The following PTPRF variants were observed in gnomAD, a reference collection of about 807,000 sequenced individuals.
PTPRF encodes the protein protein tyrosine phosphatase receptor type F.
A neutral mutation model predicts 201.8 loss-of-function variants in PTPRF; 59 were observed. The ratio of observed to expected loss-of-function variants is 0.29; its 90% confidence interval spans 0.24 to 0.36. The LOEUF is 0.36. PTPRF is among the 10% of genes least tolerant of loss of function. PTPRF has a pLI of 1.00. For missense variants in PTPRF, 2,132 were observed against 2,690.5 expected (o/e 0.79, Z 4.59); for synonymous variants, 1,088 against 1,089.7 (o/e 1.00, Z 0.03).
chr1:43,526,964 A>C (rs1246624694), upstream of PTPRF, among the ~76,000 whole-genome samples: 1 of 152,226 alleles, frequency 6.6e-6, no homozygotes, highest in Non-Finnish European at 1.5e-5. Flanking sequence ...GAGTTCATGG[A>C]TGATCGGAGG....
chr1:43,562,614 G>A lies in PTPRF; in HGVS notation c.380-6976G>A, dbSNP rs139545764. On this transcript the variant is annotated intron_variant, in intron 5 of 33. Transcript: ENST00000359947. ...GTAGAGATGGGGTTTCACGAAACAT[G>A]TTGGCCAGGCTGGTCTTGAACTCCT... 1.7e-3 allele frequency among the ~76,000 whole-genome samples: 257 copies of A among 151,952 alleles called. 3 individuals are homozygous for A. Among genetic ancestry groups the A allele is most frequent in the African/African-American group, 5.7e-3 (238 of 41,456 alleles).
intron 16 of PTPRF, among the ~76,000 whole-genome samples, chr1:43,604,416 C>T (rs1446497859): frequency 6.6e-6 from 1 of 152,220 alleles, no homozygotes; most frequent in Non-Finnish European, 1.5e-5. Context: ...ACCTTCTGAT[C>T]TCTTGTGACC....
At position 43,622,069 on chromosome 1, in the gene PTPRF, C is replaced by A; in HGVS notation, c.*66C>A. The A allele has an allele frequency of 6.6e-7, 1 of 1,514,412 alleles. No individual in the cohort carries two copies. Among genetic ancestry groups the A allele is most frequent in the Non-Finnish European group, 9.2e-7 (1 of 1,091,924 alleles). 93.8% of individuals were successfully genotyped at this position (1,514,412 alleles called of 1,614,324 possible). A position where few individuals can be genotyped will look rare whatever the true frequency, so the allele number is the denominator to read the frequency against. ...CCGGAGGGGACCCAGCTCCTCTGAGCCATACCGACCATCGTCCAGCCCTCC... is the reference window on the plus strand; with the variant it reads ...CCGGAGGGGACCCAGCTCCTCTGAGACATACCGACCATCGTCCAGCCCTCC... On this transcript the variant is annotated 3_prime_UTR_variant, in exon 34 of 34. Coordinates refer to ENST00000359947, the MANE Select transcript of PTPRF (RefSeq NM_002840.5).
At chr1:43,549,474 C>G (rs183996759) in intron 3 of PTPRF, among the ~76,000 whole-genome samples, 191 of 152,318 alleles carry the variant, frequency 1.3e-3, no homozygotes, top group African/African-American at 4.3e-3. Flanking sequence ...CCTGGCCTGT[C>G]AGGGTGGCCT....
chr1:43,591,052 T>G lies in PTPRF; in HGVS notation c.1030T>G (p.Ser344Ala). The stretch of plus-strand genomic sequence containing the variant: ...CACCCTCACCTGGGACTCTGGGAAC[T>G]CGGAGCCTGTAACCTACTATGGCAT... ...SVTLTWDSGN[S>A]EPVTYYGIQY... Residue 344 changes from serine to alanine, a missense_variant, in exon 9 of 34, where the codon TCG becomes GCG. Around this residue, in one of 6 missense-constraint regions of PTPRF, gnomAD observed 351 missense variants for 401.7 expected, o/e 0.87. Transcript: ENST00000359947. 1 of 1,614,034 alleles carries G rather than the reference T, an allele frequency of 6.2e-7. No individual in the cohort carries two copies. The highest frequency in any genetic ancestry group is 8.5e-7 in the Non-Finnish European group (1 of 1,180,030).
At chr1:43,549,021 C>G (rs530200584) in intron 3 of PTPRF, among the ~76,000 whole-genome samples, 1 of 152,344 alleles carries the variant, frequency 6.6e-6, no homozygotes, top group Admixed American at 6.5e-5. Flanking sequence ...TTCCTCCCAC[C>G]CTGCATGGGC....
At chr1:43,613,492 G>A in intron 22 of PTPRF, 126 bp from the exon 23 acceptor site, 1 of 787,166 alleles carries the variant, frequency 1.3e-6, no homozygotes, top group Non-Finnish European at 2.3e-6. Context: ...CTGTCTCCAT[G>A]CCACCAGTTC....
chr1:43,556,632 A>C (rs2494995), intron 5 of PTPRF, among the ~76,000 whole-genome samples: 46,772 of 152,096 alleles, frequency 0.31, 8,029 homozygotes, highest in African/African-American at 0.44. Context: ...GACAGTGGTT[A>C]AGACTCTGGA....
At chr1:43,545,752 T>A (rs1487944888) in intron 3 of PTPRF, among the ~76,000 whole-genome samples, 3 of 151,926 alleles carry the variant, frequency 2.0e-5, no homozygotes, top group Non-Finnish European at 4.4e-5. Flanking sequence ...GACCTGGAAA[T>A]GGGGGGAAGA....
In PTPRF at chr1:43,617,454, C is replaced by G; in HGVS notation, c.4081C>G (p.Pro1361Ala). Residue 1361 changes from proline (P) to alanine (A), a missense_variant, in exon 24 of 34, where the codon CCT (proline) becomes GCT (alanine). Physicochemically the swap from Pro to Ala is conservative, Grantham distance 27. Coordinates refer to ENST00000359947, the MANE Select transcript of PTPRF (RefSeq NM_002840.5). Reference sequence around the variant, plus strand: ...TCTCCATTCTCTGCAGTCCATCGACCCTGGACAGCAGTTCACGTGGGAGAA... The same window carrying G: ...TCTCCATTCTCTGCAGTCCATCGACGCTGGACAGCAGTTCACGTGGGAGAA... ...KFSQEYESID[P>A]GQQFTWENSN... 1 of 1,614,158 alleles carries G rather than the reference C, an allele frequency of 6.2e-7. No homozygotes were observed. Among genetic ancestry groups the G allele is most frequent in the Non-Finnish European group, 8.5e-7 (1 of 1,180,022 alleles).
chr1:43,584,122 C>A (rs1029364395), intron 7 of PTPRF, among the ~76,000 whole-genome samples: 3 of 152,152 alleles, frequency 2.0e-5, no homozygotes, highest in Non-Finnish European at 4.4e-5. Context: ...AGACCCCCAC[C>A]ACTGATGCTG....
chr1:43,534,129 G>A (rs539583326), intron 1 of PTPRF, among the ~76,000 whole-genome samples: 1 of 152,152 alleles, frequency 6.6e-6, no homozygotes, highest in African/African-American at 2.4e-5. Context: ...AGAGAGAAAG[G>A]ACTTGAGATA....
Position 43,591,535 on chromosome 1 carries a change from G to C in PTPRF, c.1513G>C (p.Val505Leu). 1 of 1,588,202 alleles carries C rather than the reference G, an allele frequency of 6.3e-7. No homozygotes were observed. Among genetic ancestry groups the C allele is most frequent in the East Asian group, 2.3e-5 (1 of 44,054 alleles). Residue 505 changes from valine to leucine, a missense_variant, in exon 9 of 34, where the codon GTC becomes CTC. This residue lies in a region of PTPRF where 351 missense variants were observed against 401.7 expected (regional missense o/e 0.87). Coordinates refer to ENST00000359947, the MANE Select transcript of PTPRF (RefSeq NM_002840.5). ...TGGCCCTCCCAGCCCCACCATCCAG[G>C]TCAAGACGCAGCAGGGAGGTAGGTG... ...GDGPPSPTIQ[V>L]KTQQGVPAQP... is the part of the protein sequence containing the mutation.
chr1:43,589,022 A>G, intron 8 of PTPRF, 22 bp downstream of exon 8: 2 of 1,519,710 alleles, frequency 1.3e-6, no homozygotes, highest in Non-Finnish European at 8.9e-7. Context: ...AGGTGCTGTA[A>G]CCAGTGCCCT....
intron 12 of PTPRF, chr1:43,598,438 A>G (rs1652922051): frequency 2.0e-6 from 1 of 504,022 alleles, no homozygotes; most frequent in Admixed American, 3.6e-5. Flanking sequence ...GGGTGGTCAA[A>G]GACCTGGTGC....
Position 43,619,029 on chromosome 1 carries a change from T to A in PTPRF, c.4492-19T>A, listed in dbSNP as rs779049158. The A allele has an allele frequency of 1.9e-6, 3 of 1,609,104 alleles. No homozygotes were observed. The highest frequency in any genetic ancestry group is 2.6e-6 in the Non-Finnish European group (3 of 1,176,102). On this transcript the variant is annotated intron_variant, in intron 26 of 33. Transcript: ENST00000359947. The stretch of plus-strand genomic sequence containing the variant: ...AGGTAGGCTCCTAGTCGCCAGTATG[T>A]CCCCACTTTGTCCCCCAGAGTGGCT...
intron 2 of PTPRF, among the ~76,000 whole-genome samples, chr1:43,540,359 G>A (rs1356363669): frequency 6.6e-6 from 1 of 152,144 alleles, no homozygotes; most frequent in Non-Finnish European, 1.5e-5. Context: ...GGATAGTGAT[G>A]GGCCACTTGA....
intron 13 of PTPRF, among the ~76,000 whole-genome samples, chr1:43,601,835 T>TG (rs1653825511): frequency 6.6e-6 from 1 of 152,204 alleles, no homozygotes; most frequent in Admixed American, 6.5e-5. Flanking sequence ...GCAGGCTGCC[T>TG]GCCCTCCCTG....
At position 43,605,426 on chromosome 1, in the gene PTPRF, A is replaced by C. The variant is rs762596997; in HGVS notation, c.3372A>C (p.Gln1124His). Residue 1124 changes from glutamine (Q) to histidine (H), a missense_variant, in exon 18 of 34, where the codon CAA (glutamine) becomes CAC (histidine). Gln to His is a conservative substitution (Grantham distance 24). Coordinates refer to ENST00000359947, the MANE Select transcript of PTPRF (RefSeq NM_002840.5). The part of the protein sequence containing the change: ...GRFDLSMPHV[Q>H]DPSLVRWFYI... ...TCGATCTCTCCATGCCCCATGTGCA[A>C]GACCCCTCGCTTGTCAGGTGTGCAC... The C allele has an allele frequency of 3.7e-6, 6 of 1,609,982 alleles. No homozygotes were observed. Among genetic ancestry groups the C allele is most frequent in the Non-Finnish European group, 3.4e-6 (4 of 1,176,706 alleles).
Sources: gnomAD v4.1 joint callset for allele counts (sites outside exome capture counted in the v4.1 genomes callset) on GRCh38, gnomAD v4.1.1 for gene constraint, gnomAD v4.1.1 regional missense constraint, MANE v1.5 for transcripts, NCBI Gene and HGNC (gene_info 2026-07-23, HGNC 2026-07-21) for gene names.